Variants in SYT16 observed in about 807,000 individuals in gnomAD.
The protein encoded by SYT16 is synaptotagmin-16.
A neutral mutation model predicts 61.4 loss-of-function variants in SYT16; 42 were observed. That is an observed-to-expected ratio of 0.68 (90% CI 0.53 to 0.89). The LOEUF (loss-of-function observed/expected upper bound fraction) is 0.89. Ranked by LOEUF, SYT16 falls within the 40% of genes least tolerant of loss-of-function variation. The probability of loss-of-function intolerance (pLI) is 0.00; values close to 1 mark genes in which losing one functional copy is unlikely to be tolerated. For missense variants in SYT16, 804 were observed against 807.3 expected (o/e 1.00, Z 0.05); for synonymous variants, 314 against 302.3 (o/e 1.04, Z -0.40).
intron 1 of SYT16, among the ~76,000 whole-genome samples, chr14:61,936,763 C>T (rs2049999961): frequency 6.6e-6 from 1 of 152,112 alleles, no homozygotes; most frequent in African/African-American, 2.4e-5. Flanking sequence ...TTTGACGCTC[C>T]CAGAGAGAGG....
intron 1 of SYT16, among the ~76,000 whole-genome samples, chr14:61,840,749 C>T (rs951248232): frequency 4.6e-5 from 7 of 152,090 alleles, no homozygotes; most frequent in African/African-American, 1.7e-4. Context: ...GAGATAGCTG[C>T]ATCCTGGTAA....
chr14:61,915,345 C>T (rs868085047), intron 1 of SYT16, among the ~76,000 whole-genome samples: 5 of 152,050 alleles, frequency 3.3e-5, no homozygotes, highest in Admixed American at 6.6e-5. Flanking sequence ...ACATTTAATT[C>T]GTGTAATATG....
At chr14:62,073,869 TAA>T (rs1334148080) in intron 4 of SYT16, among the ~76,000 whole-genome samples, 2 of 152,242 alleles carry the variant, frequency 1.3e-5, no homozygotes, top group East Asian at 3.8e-4. Context: ...CATTGGCAGA[TAA>T]AGACTATGCA....
At position 62,055,681 on chromosome 14, in the gene SYT16, A is replaced by T. The variant is rs1009440818; in HGVS notation, c.524-13922A>T. Among the ~76,000 whole-genome samples the T allele has an allele frequency of 2.0e-5, 3 of 150,748 alleles. No individual in the cohort carries two copies. The South Asian group carries it at 6.3e-4, about 32-fold the overall frequency. On this transcript the variant is annotated intron_variant, in intron 3 of 7. Coordinates refer to ENST00000683842, the MANE Select transcript of SYT16 (RefSeq NM_001367656.1). ...CTTAGGTGAATAATCAGCAACACAAATCCCTGCTCAAAAATGCAAGGACAA... is the reference window on the plus strand; with the variant it reads ...CTTAGGTGAATAATCAGCAACACAATTCCCTGCTCAAAAATGCAAGGACAA...
rs568898378 is a variant in SYT16, at chr14:61,919,231, A to G, written c.-324-50901A>G. 1.1e-4 allele frequency among the ~76,000 whole-genome samples: 16 copies of G among 152,330 alleles called. No homozygotes were observed. In the South Asian group the frequency reaches 2.5e-3, roughly 24 times the overall value. ...GTTCCCTACCCTGTCCCATTTTCCT[A>G]AGACAGATCATCATCTGTCCTCTGC... On this transcript the variant is annotated intron_variant, in intron 1 of 7. Transcript: ENST00000683842.
intron 1 of SYT16, among the ~76,000 whole-genome samples, chr14:61,864,686 G>C (rs1386171904): frequency 2.0e-5 from 3 of 152,266 alleles, no homozygotes; most frequent in Non-Finnish European, 4.4e-5. Context: ...CCCTACCCTA[G>C]ACCCGCTCCG....
chr14:61,831,052 C>T (rs931326541), intron 1 of SYT16, among the ~76,000 whole-genome samples: 3 of 152,202 alleles, frequency 2.0e-5, no homozygotes, highest in African/African-American at 7.2e-5. Context: ...GGATTCTCAA[C>T]TGGAGATAAT....
At chr14:61,824,502 G>A (rs1243938451) in intron 1 of SYT16, among the ~76,000 whole-genome samples, 2 of 152,032 alleles carry the variant, frequency 1.3e-5, no homozygotes, top group Admixed American at 6.5e-5. Context: ...ACAGGCACCT[G>A]CCACCACGCC....
intron 3 of SYT16, among the ~76,000 whole-genome samples, chr14:62,021,483 CGGT>C (rs2053906331): frequency 8.4e-6 from 1 of 119,102 alleles, no homozygotes; most frequent in South Asian, 2.7e-4. Context: ...ATTTTTTTTT[CGGT>C]TGTTGTTTTT....
chr14:62,000,605 A>G (rs959360342), intron 3 of SYT16, among the ~76,000 whole-genome samples: 1 of 151,824 alleles, frequency 6.6e-6, no homozygotes, highest in African/African-American at 2.4e-5. Flanking sequence ...TGTTTGTTCC[A>G]TCTGTTCTTT....
intron 3 of SYT16, among the ~76,000 whole-genome samples, chr14:62,020,819 A>G (rs555621438): frequency 1.7e-4 from 26 of 152,264 alleles, no homozygotes; most frequent in East Asian, 7.7e-4. Flanking sequence ...CACACCACCT[A>G]TGCTGCTTGG....
rs1484837493 is a variant in SYT16, at chr14:62,107,787, A to T, written c.*7080A>T. ...AATGGATATGTTTTGTATCTGGGGGAGGAAATGCATCATTCCATTCCAGCA... is the reference window on the plus strand; with the variant it reads ...AATGGATATGTTTTGTATCTGGGGGTGGAAATGCATCATTCCATTCCAGCA... On this transcript the variant is annotated 3_prime_UTR_variant, in exon 8 of 8. Transcript: ENST00000683842. 1.3e-5 allele frequency: 2 copies of T among 152,150 alleles called. No homozygotes were observed. Among genetic ancestry groups the T allele is most frequent in the Non-Finnish European group, 2.9e-5 (2 of 68,018 alleles). The allele number at this position is 152,150 out of a possible 1,614,324, so 9.4% of individuals were successfully genotyped here.
intron 7 of SYT16, among the ~76,000 whole-genome samples, chr14:62,084,858 G>T (rs569494853): frequency 1.4e-3 from 209 of 152,292 alleles, no homozygotes; most frequent in African/African-American, 4.7e-3. Flanking sequence ...GATATTAATA[G>T]TACCTTCCTG....
chr14:62,092,782 T>G (rs1431902974), intron 7 of SYT16, among the ~76,000 whole-genome samples: 1 of 151,962 alleles, frequency 6.6e-6, no homozygotes, highest in Non-Finnish European at 1.5e-5. Flanking sequence ...TTTTACAAGA[T>G]GAAAAGAGTT....
At chr14:61,977,553 A>C (rs551728973) in intron 2 of SYT16, among the ~76,000 whole-genome samples, 9 of 152,172 alleles carry the variant, frequency 5.9e-5, no homozygotes, top group Non-Finnish European at 1.2e-4. Context: ...ACTCACTATC[A>C]TGAGAACAGC....
At chr14:61,959,449 T>C (rs1452219549) in intron 1 of SYT16, among the ~76,000 whole-genome samples, 1 of 152,294 alleles carries the variant, frequency 6.6e-6, no homozygotes, top group Non-Finnish European at 1.5e-5. Flanking sequence ...GGAGTTTACA[T>C]TGAACAGTTT....
At position 61,996,160 on chromosome 14, in the gene SYT16, T is replaced by G; in HGVS notation, c.141T>G (p.Ser47=). Residue 47 remains serine (S), a synonymous_variant, in exon 3 of 8, where the codon TCT becomes TCG. Coordinates refer to ENST00000683842, the MANE Select transcript of SYT16 (RefSeq NM_001367656.1). ...TGGTTAACATAAGCAAACAAGACTC[T>G]AAATTGAGTGACAAACTAGATCAGG... The part of the protein sequence containing the change: ...ASLVNISKQD[S]KLSDKLDQDL... 1 of 1,613,386 alleles carries G rather than the reference T, an allele frequency of 6.2e-7. No homozygotes were observed. The highest frequency in any genetic ancestry group is 8.5e-7 in the Non-Finnish European group (1 of 1,179,550).
intron 5 of SYT16, among the ~76,000 whole-genome samples, chr14:62,078,155 C>CTTTATA (rs766089633): frequency 7.4e-6 from 1 of 135,936 alleles, no homozygotes; most frequent in African/African-American, 2.9e-5. Context: ...CTCTCTCTCT[C>CTTTATA]TATATATATA....
At chr14:61,988,065 T>G (rs1429844519) in intron 2 of SYT16, among the ~76,000 whole-genome samples, 6 of 152,180 alleles carry the variant, frequency 3.9e-5, no homozygotes, top group African/African-American at 1.4e-4. Flanking sequence ...ATTATATTGC[T>G]TCATACTGTG....
Sources: gnomAD v4.1 joint callset for allele counts (sites outside exome capture counted in the v4.1 genomes callset) on GRCh38, gnomAD v4.1.1 for gene constraint, MANE v1.5 for transcripts, NCBI Gene and HGNC (gene_info 2026-07-23, HGNC 2026-07-21) for gene names.